EPB41L3: variants seen among roughly 807,000 people sequenced by gnomAD.
The protein encoded by EPB41L3 is band 4.1-like protein 3.
In EPB41L3, 57 loss-of-function variants were observed where a neutral mutation model predicts 127.1. The observed-to-expected ratio is 0.45, with a 90% CI of 0.36 to 0.56. EPB41L3 has a LOEUF of 0.56. Among genes scored for constraint, EPB41L3 ranks in the 20% least tolerant of loss-of-function variants. EPB41L3 has a pLI of 0.00. For missense variants in EPB41L3, 1,273 were observed against 1,372.2 expected (o/e 0.93, Z 1.14); for synonymous variants, 572 against 549.5 (o/e 1.04, Z -0.57).
Position 5,445,267 on chromosome 18 carries a change from G to T in EPB41L3, c.382-23C>A, listed in dbSNP as rs781241307. On this transcript the variant is annotated intron_variant, in intron 3 of 22. Coordinates refer to ENST00000341928, the MANE Select transcript of EPB41L3 (RefSeq NM_012307.5). Reference sequence around the variant, plus strand: ...TTTCTACAGAAAACAGAATAGCAAAGCAAGTCAATACAACACAAAGAAAGT... The same window carrying T: ...TTTCTACAGAAAACAGAATAGCAAATCAAGTCAATACAACACAAAGAAAGT... The T allele has an allele frequency of 5.8e-6, 9 of 1,565,144 alleles. No individual in the cohort carries two copies. The South Asian group carries it at 6.7e-5, about 12-fold the overall frequency.
At chr18:5,566,180 T>G (rs190807732) in intron 3 of EPB41L3, among the ~76,000 whole-genome samples, 2,222 of 152,348 alleles carry the variant, frequency 0.015, 31 homozygotes, top group Non-Finnish European at 0.024. Context: ...AAATTGTCCC[T>G]GATTGCAGAT....
chr18:5,541,461 G>C (rs933046032), intron 1 of EPB41L3, among the ~76,000 whole-genome samples: 28 of 151,804 alleles, frequency 1.8e-4, no homozygotes, highest in Admixed American at 1.6e-3. Context: ...TTTACAGCAA[G>C]TTCCTGCCAC....
chr18:5,544,000 G>A, upstream of EPB41L3: 1 of 985,570 alleles, frequency 1.0e-6, no homozygotes, highest in Non-Finnish European at 1.2e-6. This position sits in a 1 kb window ranked among gnomAD's most constrained non-coding sequence, Gnocchi z 5.2. Context: ...GGAGACTCGG[G>A]CGTGGGGAGG....
upstream of EPB41L3, among the ~76,000 whole-genome samples, chr18:5,548,010 A>G (rs1321189452): frequency 1.3e-5 from 2 of 152,206 alleles, no homozygotes; most frequent in Non-Finnish European, 2.9e-5. Context: ...CCTAATAGAC[A>G]TTCACACTCA....
chr18:5,546,687 A>C (rs1202140203), upstream of EPB41L3, among the ~76,000 whole-genome samples: 1 of 152,172 alleles, frequency 6.6e-6, no homozygotes, highest in Non-Finnish European at 1.5e-5. Context: ...TCTCTCCTCT[A>C]TTATTTTTTT....
chr18:5,395,571 T>C, intron 20 of EPB41L3, 38 bp downstream of exon 20: 1 of 1,585,852 alleles, frequency 6.3e-7, no homozygotes, highest in Non-Finnish European at 8.7e-7. Context: ...TCCAGCTCGC[T>C]CTCAAGGAAT....
Position 5,453,473 on chromosome 18 carries a change from C to T in EPB41L3, c.382-8229G>A, listed in dbSNP as rs531918812. On this transcript the variant is annotated intron_variant, in intron 3 of 22. Transcript: ENST00000341928. ...ATGCATGCATTTCTTTAGACAATAA[C>T]GTTGAAAAATGAAAATAAAAAAGCC... Among the ~76,000 whole-genome samples, 8 of 152,130 alleles carry T rather than the reference C, an allele frequency of 5.3e-5. No homozygotes were observed. In the East Asian group the frequency reaches 7.7e-4, roughly 15 times the overall value.
At chr18:5,491,465 C>A (rs1568410540) in intron 1 of EPB41L3, among the ~76,000 whole-genome samples, 1 of 152,188 alleles carries the variant, frequency 6.6e-6, no homozygotes, top group African/African-American at 2.4e-5. Context: ...TGTCTTAAAT[C>A]CAGGACCATC....
rs73375708 is a variant in EPB41L3 at position 5,397,666 on chromosome 18, G to A, written c.2473-240C>T. 5.2e-3 allele frequency among the ~76,000 whole-genome samples: 789 copies of A among 152,240 alleles called. 5 individuals are homozygous for A. Among genetic ancestry groups the A allele is most frequent in the African/African-American group, 0.018 (746 of 41,542 alleles). ...GCTTCAGGACATCCGCAAAACAAAC[G>A]GAAGGCAGGATAAAGTGCAATTAAC... On this transcript the variant is annotated intron_variant, in intron 17 of 22. Coordinates refer to ENST00000341928, the MANE Select transcript of EPB41L3 (RefSeq NM_012307.5). This position sits in a 1 kb window ranked among gnomAD's most constrained non-coding sequence, Gnocchi z 4.1.
Position 5,396,322 on chromosome 18 carries a change from A to C in EPB41L3, c.2852T>G (p.Val951Gly). ...GCCAAAACTGATGGTTTCCGTCTTC[A>C]CCGTTGAGGACTGTGCCAAAGGGGA... ...EQKPHFESST[V>G]KTETISFGSV... Residue 951 changes from valine (V) to glycine (G), a missense_variant, in exon 19 of 23, where the codon GTG becomes GGG. By Grantham distance (109) the Val-to-Gly change is moderately radical. This residue lies in a region of EPB41L3 where 765 missense variants were observed against 782.9 expected (regional missense o/e 0.98). Transcript: ENST00000341928. 6.2e-7 allele frequency: 1 copy of C among 1,614,108 alleles called. No homozygotes were observed. The highest frequency in any genetic ancestry group is 8.5e-7 in the Non-Finnish European group (1 of 1,180,014).
rs751325467 is a variant in EPB41L3, at chr18:5,419,718, T to G, written c.1499A>C (p.Glu500Ala). ...GCAGTCTGGGAGCTATACCTTTCCC[T>G]CGTGCCGGATGGCCGAGATGGGCGT... is the stretch of plus-strand genomic sequence containing the variant. ...EVTPISAIRH[E>A]GKSPGLGTDS... Residue 500 changes from glutamate to alanine, a missense_variant, in exon 12 of 23, where the codon GAG (glutamate) becomes GCG (alanine). Transcript: ENST00000341928. 6.2e-7 allele frequency: 1 copy of G among 1,614,074 alleles called. No individual in the cohort carries two copies.
At chr18:5,555,871 C>T (rs187854009) in intron 3 of EPB41L3, among the ~76,000 whole-genome samples, 2 of 152,302 alleles carry the variant, frequency 1.3e-5, no homozygotes, top group South Asian at 2.1e-4. Context: ...CCTCCACTCC[C>T]GTCGGCCCAG....
upstream of EPB41L3, among the ~76,000 whole-genome samples, chr18:5,548,339 G>C (rs1214051892): frequency 6.6e-6 from 1 of 152,182 alleles, no homozygotes; most frequent in Non-Finnish European, 1.5e-5. Flanking sequence ...TCTTCATATT[G>C]AGTTTGTATA....
At chr18:5,617,470 C>A (rs562516088) in intron 1 of EPB41L3, among the ~76,000 whole-genome samples, 2 of 152,158 alleles carry the variant, frequency 1.3e-5, no homozygotes, top group Non-Finnish European at 2.9e-5. Flanking sequence ...AGGCGCCAGC[C>A]ACCACACCCG....
At position 5,401,849 on chromosome 18, in the gene EPB41L3, C is replaced by G. The variant is rs115192405; in HGVS notation, c.2350-3706G>C. On this transcript the variant is annotated intron_variant, in intron 16 of 22. Coordinates refer to ENST00000341928, the MANE Select transcript of EPB41L3 (RefSeq NM_012307.5). ...CATTAGCTACCAAGCCTAAGTTGAACCAAGCGTTCAACTTCACAGAGCAGG... is the reference window on the plus strand; with the variant it reads ...CATTAGCTACCAAGCCTAAGTTGAAGCAAGCGTTCAACTTCACAGAGCAGG... Among the ~76,000 whole-genome samples, 952 of 152,066 alleles carry G rather than the reference C, an allele frequency of 6.3e-3. 3 individuals carry two copies. Among genetic ancestry groups the G allele is most frequent in the African/African-American group, 0.022 (897 of 41,494 alleles).
chr18:5,586,214 A>G (rs576128768), intron 3 of EPB41L3, among the ~76,000 whole-genome samples: 9 of 152,308 alleles, frequency 5.9e-5, no homozygotes, highest in Admixed American at 5.9e-4. Context: ...TTACTTCAAT[A>G]ATTCAGTTAC....
chr18:5,576,409 G>A (rs2149270743), intron 3 of EPB41L3, among the ~76,000 whole-genome samples: 1 of 152,272 alleles, frequency 6.6e-6, no homozygotes, highest in South Asian at 2.1e-4. Context: ...GATGAGGCAG[G>A]TGACACAGAT....
At chr18:5,532,933 G>C (rs75679435) in intron 1 of EPB41L3, among the ~76,000 whole-genome samples, 1 of 152,096 alleles carries the variant, frequency 6.6e-6, no homozygotes, top group South Asian at 2.1e-4. Flanking sequence ...GGAGAAATAA[G>C]AGGTATGATG....
At chr18:5,445,029 G>A (rs2081286471) in intron 4 of EPB41L3, 111 bp downstream of exon 4, 3 of 737,090 alleles carry the variant, frequency 4.1e-6, no homozygotes, top group Non-Finnish European at 7.1e-6. Flanking sequence ...AGAAAGTGTG[G>A]GAGAATGAAG....
Sources: allele counts gnomAD v4.1 joint callset (sites outside exome capture counted in the v4.1 genomes callset), GRCh38; gene constraint gnomAD v4.1.1; regional missense constraint gnomAD v4.1.1; non-coding constraint Gnocchi (gnomAD v3.1); transcripts MANE v1.5; gene names NCBI Gene and HGNC (gene_info 2026-07-23, HGNC 2026-07-21).